The following ADGRG5 variants were observed in gnomAD, a reference collection of about 807,000 sequenced individuals.
ADGRG5 encodes the protein adhesion G protein-coupled receptor G5, also known as G protein-coupled receptor 114.
In ADGRG5, 37 loss-of-function variants were observed where a neutral mutation model predicts 53.2. That is an observed-to-expected ratio of 0.70 (90% CI 0.53 to 0.91). ADGRG5 has a LOEUF of 0.91. Among genes scored for constraint, ADGRG5 ranks in the 40% least tolerant of loss-of-function variants. ADGRG5 has a pLI of 0.00. For synonymous variants in ADGRG5, 277 were observed against 290.4 expected, an observed-to-expected ratio of 0.95 and a Z score of 0.47; for missense variants, 614 against 675.8, an observed-to-expected ratio of 0.91 and a Z score of 1.01.
chr16:57,540,870 A>T (rs2032479055), upstream of ADGRG5, among the ~76,000 whole-genome samples: 1 of 152,048 alleles, frequency 6.6e-6, no homozygotes, highest in South Asian at 2.1e-4. Context: ...GGCTCACTGC[A>T]ACCTCCACCT....
At chr16:57,562,990 T>A (rs773767801) in intron 3 of ADGRG5, 101 bp from the exon 4 acceptor site, 2 of 1,113,220 alleles carry the variant, frequency 1.8e-6, no homozygotes, top group Non-Finnish European at 2.7e-6. Flanking sequence ...GTGACAGAGG[T>A]GTGGGTGGGG....
chr16:57,572,537 C>G (rs1459110203), intron 10 of ADGRG5, among the ~76,000 whole-genome samples: 1 of 151,438 alleles, frequency 6.6e-6, no homozygotes, highest in Non-Finnish European at 1.5e-5. Flanking sequence ...ACTAAAAATA[C>G]AAAAATTAGC....
chr16:57,563,940 G>A lies in ADGRG5; in HGVS notation c.390G>A (p.Arg130=), dbSNP rs1199058069. 9.9e-6 allele frequency: 16 copies of A among 1,614,066 alleles called. No individual in the cohort carries two copies. Among genetic ancestry groups the A allele is most frequent in the Non-Finnish European group, 1.4e-5 (16 of 1,179,942 alleles). ...DACKTRPREL[R]LICIYFSNTH... ...GCAAGACCCGCCCCAGGGAGCTGCG[G>A]CTCATCTGTATCTACTTCTCCAACA... Residue 130 remains arginine (R), a synonymous_variant, in exon 5 of 12, where the codon CGG becomes CGA. Transcript: ENST00000349457.
intron 1 of ADGRG5, among the ~76,000 whole-genome samples, chr16:57,548,380 G>A (rs1460973517): frequency 6.6e-6 from 1 of 152,026 alleles, no homozygotes; most frequent in Non-Finnish European, 1.5e-5. Context: ...CCAGGAAATT[G>A]TCTTTGGTAT....
intron 1 of ADGRG5, among the ~76,000 whole-genome samples, chr16:57,545,879 G>A (rs977490395): frequency 6.6e-5 from 10 of 152,154 alleles, no homozygotes; most frequent in Non-Finnish European, 1.2e-4. Flanking sequence ...AGGCTGGAGT[G>A]CAGTGATGTG....
chr16:57,534,831 C>T, the ADGRG5 span, among the ~76,000 whole-genome samples: 2 of 152,296 alleles, frequency 1.3e-5, no homozygotes, highest in Non-Finnish European at 2.9e-5. Context: ...GGTCATCTCA[C>T]GGCCAAGTCG....
At chr16:57,556,908 C>CTTTT (rs35948606) in intron 1 of ADGRG5, among the ~76,000 whole-genome samples, 34,666 of 115,024 alleles carry the variant, frequency 0.3, 5,492 homozygotes, top group East Asian at 0.44. Context: ...TTGCCTTCTT[C>CTTTT]TTTTTTTTTT....
chr16:57,567,516 C>T lies in ADGRG5; in HGVS notation c.746C>T (p.Thr249Met), dbSNP rs371516015. The change falls in exon 8 of 12, where the codon ACG (threonine) becomes ATG (methionine). Residue 249 changes from threonine to methionine, a missense_variant. Coordinates refer to ENST00000349457, the MANE Select transcript of ADGRG5 (RefSeq NM_001304376.3). ...CCTGCAGAGTTGCTGGCACCTCTTACGTACATCTCCCTCGTGGGCTGCAGC... is the reference window on the plus strand; with the variant it reads ...CCTGCAGAGTTGCTGGCACCTCTTATGTACATCTCCCTCGTGGGCTGCAGC... ...LVPAELLAPL[T>M]YISLVGCSIS... The T allele has an allele frequency of 2.4e-5, 39 of 1,611,378 alleles. 1 individual carries two copies. In the South Asian group the frequency reaches 2.9e-4, roughly 12 times the overall value.
At chr16:57,568,243 C>G in intron 9 of ADGRG5, 119 bp downstream of exon 9, 1 of 964,418 alleles carries the variant, frequency 1.0e-6, no homozygotes, top group Non-Finnish European at 1.6e-6. Flanking sequence ...TGACCACCAG[C>G]TGTGAACTCT....
chr16:57,560,527 C>T (rs567181645), intron 1 of ADGRG5, among the ~76,000 whole-genome samples: 1 of 152,336 alleles, frequency 6.6e-6, no homozygotes, highest in Admixed American at 6.5e-5. Context: ...AGACTTTTCT[C>T]CTGCCTTGGG....
At chr16:57,544,600 G>A (rs1020202689) in intron 1 of ADGRG5, among the ~76,000 whole-genome samples, 9 of 152,168 alleles carry the variant, frequency 5.9e-5, no homozygotes, top group Admixed American at 4.6e-4. Context: ...ACACCTTGCA[G>A]GTCAAATCCA....
chr16:57,538,582 A>C (rs2032442719), upstream of ADGRG5, among the ~76,000 whole-genome samples: 1 of 152,058 alleles, frequency 6.6e-6, no homozygotes, highest in Non-Finnish European at 1.5e-5. Flanking sequence ...TGACTGTTTC[A>C]ATTTTACCAT....
intron 9 of ADGRG5, 78 bp from the exon 10 acceptor site, chr16:57,570,340 C>A: frequency 1.2e-6 from 1 of 845,158 alleles, no homozygotes; most frequent in Non-Finnish European, 2.0e-6. Context: ...AATTCTGTGT[C>A]AGCAGCCCCA....
the ADGRG5 span, among the ~76,000 whole-genome samples, chr16:57,530,245 C>T: frequency 1.3e-5 from 2 of 152,154 alleles, no homozygotes; most frequent in Admixed American, 6.5e-5. Flanking sequence ...TTCAGCCTCC[C>T]CATCGCCCAG....
At chr16:57,557,426 T>G (rs1346105843) in intron 1 of ADGRG5, among the ~76,000 whole-genome samples, 1 of 152,230 alleles carries the variant, frequency 6.6e-6, no homozygotes, top group Non-Finnish European at 1.5e-5. Context: ...CTAGGATGTA[T>G]CTAGATGTGT....
chr16:57,558,040 T>C (rs1359869982), intron 1 of ADGRG5, among the ~76,000 whole-genome samples: 4 of 152,248 alleles, frequency 2.6e-5, no homozygotes, highest in African/African-American at 9.6e-5. Flanking sequence ...GTAAATGATA[T>C]TTATGCCTAG....
chr16:57,562,924 G>T (rs2033037669), intron 3 of ADGRG5, among the ~76,000 whole-genome samples, 167 bp from the exon 4 acceptor site: 2 of 152,168 alleles, frequency 1.3e-5, no homozygotes, highest in Non-Finnish European at 2.9e-5. Flanking sequence ...GATAGATGGG[G>T]TAGGGAGGTA....
intron 9 of ADGRG5, among the ~76,000 whole-genome samples, chr16:57,569,591 C>T (rs2146825810): frequency 1.3e-5 from 2 of 150,116 alleles, no homozygotes; most frequent in South Asian, 4.3e-4. Context: ...ACCATCGCCT[C>T]CTCCATCTCC....
At chr16:57,547,975 T>A (rs1442806982) in intron 1 of ADGRG5, among the ~76,000 whole-genome samples, 1 of 152,138 alleles carries the variant, frequency 6.6e-6, no homozygotes, top group Non-Finnish European at 1.5e-5. Context: ...CTTGAACTCC[T>A]GACCTCAAGT....
Sources: gnomAD v4.1 joint callset for allele counts (sites outside exome capture counted in the v4.1 genomes callset) on GRCh38, gnomAD v4.1.1 for gene constraint, MANE v1.5 for transcripts, NCBI Gene and HGNC (gene_info 2026-07-23, HGNC 2026-07-21) for gene names.